Variants in FANK1 observed in about 807,000 individuals in gnomAD.
FANK1 encodes the protein fibronectin type III and ankyrin repeat domains 1.
FANK1 carries 44 observed loss-of-function variants against 45.3 expected under a neutral mutation model. The ratio of observed to expected loss-of-function variants is 0.97; its 90% CI spans 0.76 to 1.25. FANK1 has a LOEUF of 1.25. FANK1 is among the 50% of genes most tolerant of loss of function. The pLI is 0.00. For missense variants in FANK1, 391 were observed against 424.4 expected (o/e 0.92, Z 0.69); for synonymous variants, 149 against 152.5 (o/e 0.98, Z 0.17).
chr10:125,908,396 T>C (rs1035636255), intron 1 of FANK1, among the ~76,000 whole-genome samples: 1 of 152,220 alleles, frequency 6.6e-6, no homozygotes, highest in Admixed American at 6.5e-5. Flanking sequence ...ATGTGGTATA[T>C]ATGTACCATG....
chr10:125,995,546 G>A (rs754878501), intron 4 of FANK1, 48 bp downstream of exon 4: 1 of 1,546,146 alleles, frequency 6.5e-7, no homozygotes, highest in East Asian at 2.2e-5. Flanking sequence ...CCTATAAAGT[G>A]CATAGAAATA....
chr10:126,002,825 C>G (rs948187033), intron 6 of FANK1, among the ~76,000 whole-genome samples: 2 of 148,224 alleles, frequency 1.3e-5, no homozygotes, highest in African/African-American at 5.0e-5. Context: ...ATAGCATAAC[C>G]CTTCACCCCT....
At chr10:125,937,847 G>T (rs768184492) in intron 1 of FANK1, among the ~76,000 whole-genome samples, 4 of 152,120 alleles carry the variant, frequency 2.6e-5, no homozygotes, top group Non-Finnish European at 4.4e-5. Flanking sequence ...GTGAGGGAAC[G>T]GGGCTTAAAG....
chr10:125,984,461 C>G (rs562121644), intron 2 of FANK1, among the ~76,000 whole-genome samples: 7 of 152,312 alleles, frequency 4.6e-5, no homozygotes, highest in Admixed American at 2.6e-4. Flanking sequence ...ACAATCCAGT[C>G]TTCCACAGGA....
chr10:125,940,731 A>C (rs989480055), intron 1 of FANK1, among the ~76,000 whole-genome samples: 2 of 152,070 alleles, frequency 1.3e-5, no homozygotes, highest in African/African-American at 4.8e-5. Context: ...CTCAGTGGGG[A>C]GAAACCTTGG....
chr10:125,939,891 G>A (rs1239459446), intron 1 of FANK1, among the ~76,000 whole-genome samples: 8 of 151,150 alleles, frequency 5.3e-5, no homozygotes, highest in Non-Finnish European at 1.2e-4. Context: ...TAAAGACAGG[G>A]TCAATAAAAT....
chr10:125,902,367 C>T (rs61871958), intron 1 of FANK1, among the ~76,000 whole-genome samples: 22 of 150,788 alleles, frequency 1.5e-4, no homozygotes, highest in Admixed American at 9.9e-4. Flanking sequence ...GTGCCTAACA[C>T]GGAGTAAACC....
At chr10:125,972,618 C>A (rs780768004) in intron 1 of FANK1, 3 of 152,188 alleles carry the variant, frequency 2.0e-5, no homozygotes, top group Admixed American at 6.5e-5. Context: ...CAGGTCCTAT[C>A]TGGCAATAAT....
intron 7 of FANK1, among the ~76,000 whole-genome samples, chr10:126,006,860 A>T (rs1953255657): frequency 6.7e-6 from 1 of 150,230 alleles, no homozygotes; most frequent in South Asian, 2.1e-4. Context: ...ACTCCATCTC[A>T]AATAAATAAA....
At chr10:126,005,442 G>A (rs1375105051) in intron 7 of FANK1, among the ~76,000 whole-genome samples, 3 of 151,914 alleles carry the variant, frequency 2.0e-5, no homozygotes, top group African/African-American at 7.3e-5. Flanking sequence ...CTGGTAGCTG[G>A]GACTACAGGC....
At chr10:125,912,481 TGTGTG>T (rs1946102092) in intron 1 of FANK1, among the ~76,000 whole-genome samples, 1 of 129,780 alleles carries the variant, frequency 7.7e-6, no homozygotes, top group East Asian at 2.2e-4. Flanking sequence ...TGTGTGTGTG[TGTGTG>T]TTTTTGAGAT....
chr10:126,006,721 G>A (rs550223884), intron 7 of FANK1, among the ~76,000 whole-genome samples: 16 of 152,272 alleles, frequency 1.1e-4, no homozygotes, highest in African/African-American at 3.6e-4. Flanking sequence ...TTAGCCAGGC[G>A]TGGTGGTGGG....
rs763988085 is a variant in FANK1 at position 125,980,209 on chromosome 10, C to G, written c.62C>G (p.Thr21Ser). ...CATCCACCTGTCGTGGGCAAAGTGA[C>G]TCATCACAGCATTGAATTATACTGG... ...KPHPPVVGKV[T>S]HHSIELYWDL... Residue 21 changes from threonine (T) to serine (S), a missense_variant, in exon 2 of 11, where the codon ACT becomes AGT. Transcript: ENST00000368693. 1 of 1,614,052 alleles carries G rather than the reference C, an allele frequency of 6.2e-7. No homozygotes were observed. Among genetic ancestry groups the G allele is most frequent in the Admixed American group, 1.7e-5 (1 of 59,992 alleles).
At chr10:125,906,646 C>G (rs1945550150) in intron 1 of FANK1, among the ~76,000 whole-genome samples, 1 of 151,124 alleles carries the variant, frequency 6.6e-6, no homozygotes, top group Non-Finnish European at 1.5e-5. Context: ...TGAATATTAT[C>G]TGTAGCAAAC....
intron 1 of FANK1, among the ~76,000 whole-genome samples, chr10:125,979,241 T>C (rs1045500279): frequency 2.0e-5 from 3 of 152,096 alleles, no homozygotes; most frequent in Admixed American, 2.0e-4. Flanking sequence ...CCAGTGCGAG[T>C]ATCTGGCTGT....
chr10:125,988,433 A>G (rs376573548), intron 2 of FANK1, 118 bp from the exon 3 acceptor site: 1 of 1,376,420 alleles, frequency 7.3e-7, no homozygotes, highest in Non-Finnish European at 1.0e-6. Context: ...AGCAGGATCC[A>G]TCGGCTGTGT....
chr10:125,973,559 T>C (rs1950651765), intron 1 of FANK1: 2 of 730,692 alleles, frequency 2.7e-6, no homozygotes, highest in African/African-American at 1.9e-5. Flanking sequence ...AACCCTGAAA[T>C]TGGTTTCTCT....
At chr10:125,977,019 G>A (rs893966604) in intron 1 of FANK1, among the ~76,000 whole-genome samples, 1 of 151,924 alleles carries the variant, frequency 6.6e-6, no homozygotes, top group Non-Finnish European at 1.5e-5. Context: ...TCATTTTACT[G>A]TGATTGTTCT....
chr10:125,945,443 C>T lies in FANK1; in HGVS notation c.14-34718C>T, dbSNP rs554639173. On this transcript the variant is annotated intron_variant, in intron 1 of 10. Transcript: ENST00000368693. ...GCGAGGCATTGCCTCACTTGGGAAG[C>T]GCAAGGGGTCAGGGAGTTCCCTTTC... 2.6e-4 allele frequency among the ~76,000 whole-genome samples: 39 copies of T among 152,318 alleles called. 1 individual carries two copies. In the South Asian group the frequency reaches 6.6e-3, roughly 26 times the overall value.
Sources: gnomAD v4.1 joint callset for allele counts (sites outside exome capture counted in the v4.1 genomes callset) on GRCh38, gnomAD v4.1.1 for gene constraint, MANE v1.5 for transcripts, NCBI Gene and HGNC (gene_info 2026-07-23, HGNC 2026-07-21) for gene names.